CD63: variants seen among roughly 807,000 people sequenced by gnomAD.
CD63 encodes the protein CD63 antigen.
In CD63, 16 loss-of-function variants were observed where a neutral mutation model predicts 29.2. The ratio of observed to expected loss-of-function variants is 0.55; its 90% CI spans 0.37 to 0.83. The LOEUF (loss-of-function observed/expected upper bound fraction) is 0.83. CD63 is among the 40% of genes least tolerant of loss of function. CD63 has a pLI of 0.00. For synonymous variants in CD63, 118 were observed against 111.7 expected (o/e 1.06, Z -0.36); for missense variants, 251 against 297.3 (o/e 0.84, Z 1.15).
chr12:55,724,734 C>T (rs1297469122), downstream of CD63: 1 of 663,490 alleles, frequency 1.5e-6, no homozygotes, highest in Non-Finnish European at 2.7e-6. Flanking sequence ...GCCAACTACT[C>T]CAAACCGACA....
downstream of CD63, chr12:55,724,034 G>T (rs766393665): frequency 3.1e-6 from 5 of 1,610,882 alleles, no homozygotes; most frequent in Admixed American, 1.7e-5. Flanking sequence ...CTATGGGGGG[G>T]CCTTCCTCAC....
chr12:55,726,623 G>A (rs1334636703), intron 5 of CD63, 77 bp downstream of exon 5: 2 of 1,158,904 alleles, frequency 1.7e-6, no homozygotes, highest in Non-Finnish European at 2.6e-6. Context: ...GAGATTACAG[G>A]CGTGAGTCAC....
rs772257 is a variant in CD63, at chr12:55,727,410, G to A, written c.67-71C>T. 1.2e-3 allele frequency: 1,658 copies of A among 1,414,360 alleles called. 15 individuals carry two copies. The African/African-American group carries it at 0.021, about 18-fold the overall frequency. The allele number at this position is 1,414,360 out of a possible 1,614,324, so 87.6% of individuals were successfully genotyped here. A position where few individuals can be genotyped will look rare whatever the true frequency, so the allele number is the denominator to read the frequency against. On this transcript the variant is annotated intron_variant, in intron 2 of 7. Coordinates refer to ENST00000257857, the MANE Select transcript of CD63 (RefSeq NM_001780.6). ...GGCCCTCCATGGTGGAGGGCAGGGG[G>A]TACACCTAGGACACAGACTTGACCC...
intron 7 of CD63, 31 bp downstream of exon 7, chr12:55,725,782 G>GTCCCA (rs773364458): frequency 3.1e-6 from 5 of 1,604,294 alleles, no homozygotes; most frequent in Non-Finnish European, 1.7e-6. Context: ...CCTGGACAGA[G>GTCCCA]TCCCAGCCCC....
chr12:55,727,701 C>G, intron 2 of CD63: 2 of 1,056,344 alleles, frequency 1.9e-6, no homozygotes, highest in Non-Finnish European at 2.3e-6. Flanking sequence ...GCACATCCCA[C>G]GCGCGCATCA....
At chr12:55,724,755 C>G, downstream of CD63, 1 of 635,180 alleles carries the variant, frequency 1.6e-6, no homozygotes, top group Non-Finnish European at 2.8e-6. Flanking sequence ...TGCTCACGGT[C>G]TCTGGCCTGT....
In CD63 at chr12:55,728,611, T is replaced by C; in HGVS notation, c.-11-259A>G. On this transcript the variant is annotated intron_variant, in intron 1 of 7. Transcript: ENST00000257857. This position sits in a 1 kb window ranked among gnomAD's most constrained non-coding sequence, Gnocchi z 4.8. ...AGATCCAAGGGCGCCGGCAGGGGCT[T>C]GAGCCTGACGCCGACCCTCGGCCCG... 1.5e-6 allele frequency: 2 copies of C among 1,339,486 alleles called. No homozygotes were observed. Among genetic ancestry groups the C allele is most frequent in the Non-Finnish European group, 1.9e-6 (2 of 1,043,760 alleles). 83.0% of individuals were successfully genotyped at this position (1,339,486 alleles called of 1,614,324 possible). A position where few individuals can be genotyped will look rare whatever the true frequency, so the allele number is the denominator to read the frequency against.
At chr12:55,726,478 G>A (rs1041093397) in intron 5 of CD63, 2 of 622,792 alleles carry the variant, frequency 3.2e-6, no homozygotes, top group Admixed American at 5.9e-5. Flanking sequence ...CTGAGTAGGT[G>A]GGATTACAGG....
chr12:55,728,582 G>C lies in CD63; in HGVS notation c.-11-230C>G. ...CCCGCCCCGCCGCCTCTGGGGCCCA[G>C]GACAGATCCAAGGGCGCCGGCAGGG... is the stretch of plus-strand genomic sequence containing the variant. On this transcript the variant is annotated intron_variant, in intron 1 of 7. Transcript: ENST00000257857. This position sits in a 1 kb window ranked among gnomAD's most constrained non-coding sequence, Gnocchi z 4.8. 3 of 1,395,378 alleles carry C rather than the reference G, an allele frequency of 2.1e-6. No individual in the cohort carries two copies. The highest frequency in any genetic ancestry group is 3.1e-5 in the South Asian group (2 of 64,744). 86.4% of individuals were successfully genotyped at this position (1,395,378 alleles called of 1,614,324 possible). A position where few individuals can be genotyped will look rare whatever the true frequency, so the allele number is the denominator to read the frequency against.
intron 2 of CD63, 141 bp from the exon 3 acceptor site, chr12:55,727,480 T>C (rs1877541196): frequency 8.3e-7 from 1 of 1,198,472 alleles, no homozygotes; most frequent in Admixed American, 3.0e-5. Context: ...TTTCTTTGGC[T>C]GTGGGGTAGG....
intron 5 of CD63, 149 bp downstream of exon 5, chr12:55,726,551 G>C: frequency 1.5e-6 from 1 of 689,394 alleles, no homozygotes; most frequent in South Asian, 1.8e-5. Flanking sequence ...CACCACGTTG[G>C]CCAGGCTAGT....
chr12:55,728,182 C>G lies in CD63; in HGVS notation c.66+94G>C. On this transcript the variant is annotated intron_variant, in intron 2 of 7. Transcript: ENST00000257857. The surrounding 1 kb of genome is among the most constrained non-coding windows in gnomAD (Gnocchi z 4.8). Reference sequence around the variant, plus strand: ...CTTTCTTTCCACATCTGGTCTCCAGCTGCCTTAATTCTCATTCCCTCAGCC... The same window carrying G: ...CTTTCTTTCCACATCTGGTCTCCAGGTGCCTTAATTCTCATTCCCTCAGCC... 2.6e-6 allele frequency: 3 copies of G among 1,145,894 alleles called. No homozygotes were observed. The highest frequency in any genetic ancestry group is 3.9e-6 in the Non-Finnish European group (3 of 779,212). 71.0% of individuals were successfully genotyped at this position (1,145,894 alleles called of 1,614,324 possible).
At chr12:55,723,770 C>G, downstream of CD63, 1 of 1,208,350 alleles carries the variant, frequency 8.3e-7, no homozygotes, top group Non-Finnish European at 1.2e-6. Context: ...TAGGCATCTC[C>G]GTCAAAACTC....
chr12:55,728,005 C>T lies in CD63; in HGVS notation c.66+271G>A. ...CGGTTGGCTGGTTGCCCCACTGCCC[C>T]ATATCACAAGTGGTTGGGTCACCAG... On this transcript the variant is annotated intron_variant, in intron 2 of 7. Transcript: ENST00000257857. This position sits in a 1 kb window ranked among gnomAD's most constrained non-coding sequence, Gnocchi z 4.8. 1 of 1,009,272 alleles carries T rather than the reference C, an allele frequency of 9.9e-7. No individual in the cohort carries two copies. Among genetic ancestry groups the T allele is most frequent in the South Asian group, 2.0e-5 (1 of 49,602 alleles). 62.5% of individuals were successfully genotyped at this position (1,009,272 alleles called of 1,614,324 possible).
chr12:55,726,900 A>G lies in CD63; in HGVS notation c.320T>C (p.Phe107Ser). Reference sequence around the variant, plus strand: ...TTATTCCCTGCTTACCTTATCTCTAAACACATAGCCAGCAATGGCTGCGGC... The same window carrying G: ...TTATTCCCTGCTTACCTTATCTCTAGACACATAGCCAGCAATGGCTGCGGC... ...EVAAAIAGYV[F>S]RDKVMSEFNN... The change falls in exon 4 of 8, where the codon TTT becomes TCT. Residue 107 changes from phenylalanine (F) to serine (S), a missense_variant. By Grantham distance (155) the Phe-to-Ser change is radical (BLOSUM62 -2). Coordinates refer to ENST00000257857, the MANE Select transcript of CD63 (RefSeq NM_001780.6). 1.2e-6 allele frequency: 2 copies of G among 1,614,056 alleles called. No homozygotes were observed. The highest frequency in any genetic ancestry group is 1.7e-6 in the Non-Finnish European group (2 of 1,179,948).
In CD63 at chr12:55,728,687, GA is replaced by G; in HGVS notation, c.-12+265del. ...TTCCCCACCCAACACCCAGCCTGGA[GA>G]AACGGTCTTCAGCCCAACCCCGACC... On this transcript the variant is annotated intron_variant, in intron 1 of 7. Coordinates refer to ENST00000257857, the MANE Select transcript of CD63 (RefSeq NM_001780.6). The surrounding 1 kb of genome is among the most constrained non-coding windows in gnomAD (Gnocchi z 4.8). 1 of 1,151,186 alleles carries G rather than the reference GA, an allele frequency of 8.7e-7. No homozygotes were observed. Among genetic ancestry groups the G allele is most frequent in the Non-Finnish European group, 1.1e-6 (1 of 930,450 alleles). 71.3% of individuals were successfully genotyped at this position (1,151,186 alleles called of 1,614,324 possible). A position where few individuals can be genotyped will look rare whatever the true frequency, so the allele number is the denominator to read the frequency against.
downstream of CD63, chr12:55,724,674 AAAG>A (rs150493825): frequency 2.1e-3 from 2,017 of 950,702 alleles, 28 homozygotes; most frequent in African/African-American, 0.029. Flanking sequence ...TAAAAAATAA[AAAG>A]AAGGTGGGCA....
rs1325926618 is a variant in CD63, at chr12:55,727,066, C to A, written c.255+85G>T. 112 of 1,542,564 alleles carry A rather than the reference C, an allele frequency of 7.3e-5. No homozygotes were observed. In the South Asian group the frequency reaches 1.2e-3, roughly 17 times the overall value. ...GACACTCACAAAGGTCTTCCTCACC[C>A]ACCCACCTCACCCACCTTCCTGAGC... On this transcript the variant is annotated intron_variant, in intron 3 of 7. Coordinates refer to ENST00000257857, the MANE Select transcript of CD63 (RefSeq NM_001780.6).
chr12:55,727,918 G>A (rs1306954735), intron 2 of CD63: 4 of 1,161,772 alleles, frequency 3.4e-6, no homozygotes, highest in African/African-American at 1.6e-5. Flanking sequence ...GGATGAGAGG[G>A]TTGGGGAGGG....
Sources: allele counts gnomAD v4.1 joint callset, GRCh38; gene constraint gnomAD v4.1.1; non-coding constraint Gnocchi (gnomAD v3.1); transcripts MANE v1.5; gene names NCBI Gene and HGNC (gene_info 2026-07-23, HGNC 2026-07-21).